XRCC4: variants seen among roughly 807,000 people sequenced by gnomAD.
XRCC4 encodes X-ray repair cross complementing 4.
XRCC4 carries 28 observed loss-of-function variants against 39.1 expected under a neutral mutation model. The observed-to-expected ratio is 0.72, with a 90% CI of 0.53 to 0.98. XRCC4 has a LOEUF of 0.98. Among genes scored for constraint, XRCC4 ranks in the 50% least tolerant of loss-of-function variants. The probability of loss-of-function intolerance (pLI) is 0.00; values close to 1 mark genes in which losing one functional copy is unlikely to be tolerated. For synonymous variants in XRCC4, 123 were observed against 126.4 expected, an observed-to-expected ratio of 0.97 and a Z score of 0.18; for missense variants, 350 against 376.4, an observed-to-expected ratio of 0.93 and a Z score of 0.58.
At chr5:83,333,001 C>T (rs1756485096) in intron 7 of XRCC4, among the ~76,000 whole-genome samples, 1 of 152,076 alleles carries the variant, frequency 6.6e-6, no homozygotes, top group Non-Finnish European at 1.5e-5. Flanking sequence ...ACATAACAAG[C>T]TTAAACACAG....
chr5:83,231,663 C>G (rs1752500678), intron 6 of XRCC4, among the ~76,000 whole-genome samples: 1 of 152,070 alleles, frequency 6.6e-6, no homozygotes, highest in Admixed American at 6.6e-5. Context: ...CTAAACAAAG[C>G]TCATCAGTTA....
chr5:83,211,324 C>G (rs920924025), intron 6 of XRCC4, among the ~76,000 whole-genome samples: 1 of 152,192 alleles, frequency 6.6e-6, no homozygotes, highest in Non-Finnish European at 1.5e-5. Flanking sequence ...CTAAAGAGGG[C>G]TCACTCAATT....
chr5:83,250,655 C>T (rs1753272386), intron 6 of XRCC4, among the ~76,000 whole-genome samples: 1 of 146,260 alleles, frequency 6.8e-6, no homozygotes, highest in Non-Finnish European at 1.5e-5. Context: ...TGTTTGAGTT[C>T]GTTCTGAAAC....
At chr5:83,103,638 C>T (rs1746060901) in intron 1 of XRCC4, among the ~76,000 whole-genome samples, 1 of 152,094 alleles carries the variant, frequency 6.6e-6, no homozygotes, top group South Asian at 2.1e-4. Context: ...TAGTCAAAAT[C>T]TAGAAAGTAC....
rs28360253 is a variant in XRCC4 at position 83,268,356 on chromosome 5, A to G, written c.893+9679A>G. Among the ~76,000 whole-genome samples the G allele has an allele frequency of 2.9e-3, 447 of 152,240 alleles. 4 individuals carry two copies. The highest frequency in any genetic ancestry group is 0.01 in the African/African-American group (431 of 41,556). On this transcript the variant is annotated intron_variant, in intron 7 of 7. Transcript: ENST00000396027. ...AAAAGATGGATAAACAAAACAAGTCATGGGGATTGACTTCTCAAAAGACTG... is the reference window on the plus strand; with the variant it reads ...AAAAGATGGATAAACAAAACAAGTCGTGGGGATTGACTTCTCAAAAGACTG...
chr5:83,259,360 G>T (rs1753670691), intron 7 of XRCC4: 1 of 152,046 alleles, frequency 6.6e-6, no homozygotes, highest in African/African-American at 2.4e-5. Flanking sequence ...TGTTAATTCA[G>T]TAAATAGTTA....
rs551870118 is a variant in XRCC4, at chr5:83,278,896, G to A, written c.893+20219G>A. ...CCAGGTACGTAGGGGGCTGAGGCAG[G>A]AGAATTGCTTGAACCGAGGAGGCGG... On this transcript the variant is annotated intron_variant, in intron 7 of 7. Coordinates refer to ENST00000396027, the MANE Select transcript of XRCC4 (RefSeq NM_003401.5). Among the ~76,000 whole-genome samples, 3 of 150,350 alleles carry A rather than the reference G, an allele frequency of 2.0e-5. No individual in the cohort carries two copies. The East Asian group carries it at 5.9e-4, about 29-fold the overall frequency.
chr5:83,182,203 C>T lies in XRCC4; in HGVS notation c.316-13567C>T, dbSNP rs529771799. Among the ~76,000 whole-genome samples the T allele has an allele frequency of 9.2e-5, 14 of 152,204 alleles. No individual in the cohort carries two copies. In the East Asian group the frequency reaches 2.7e-3, roughly 29 times the overall value. Reference sequence around the variant, plus strand: ...AGATAACCAGCACAATCCACAGCTACTCAGCATATTTAATACCCTCCTCTG... The same window carrying T: ...AGATAACCAGCACAATCCACAGCTATTCAGCATATTTAATACCCTCCTCTG... On this transcript the variant is annotated intron_variant, in intron 3 of 7. Coordinates refer to ENST00000396027, the MANE Select transcript of XRCC4 (RefSeq NM_003401.5).
intron 1 of XRCC4, among the ~76,000 whole-genome samples, chr5:83,083,974 A>G (rs1034219705): frequency 5.9e-5 from 9 of 152,098 alleles, no homozygotes; most frequent in Non-Finnish European, 1.3e-4. Flanking sequence ...CTACCTCTGC[A>G]TTTTACAAAC....
chr5:83,137,139 G>C (rs763535908), intron 3 of XRCC4, among the ~76,000 whole-genome samples: 3 of 152,116 alleles, frequency 2.0e-5, no homozygotes, highest in Non-Finnish European at 4.4e-5. Context: ...AAAATTAACA[G>C]AATCTAAGAT....
At chr5:83,083,967 C>T (rs978653106) in intron 1 of XRCC4, among the ~76,000 whole-genome samples, 3 of 152,132 alleles carry the variant, frequency 2.0e-5, no homozygotes, top group African/African-American at 7.2e-5. Context: ...TCCCTTCCTA[C>T]CTCTGCATTT....
intron 7 of XRCC4, among the ~76,000 whole-genome samples, chr5:83,301,700 G>A (rs1203585464): frequency 6.6e-6 from 1 of 152,120 alleles, no homozygotes; most frequent in African/African-American, 2.4e-5. Context: ...GGGTTTTTAT[G>A]ATTTTAGGTT....
intron 3 of XRCC4, among the ~76,000 whole-genome samples, chr5:83,121,100 T>C (rs953506513): frequency 2.0e-4 from 30 of 152,170 alleles, no homozygotes; most frequent in Admixed American, 2.6e-4. Flanking sequence ...GATTCCTCCA[T>C]GTTGTTGTAA....
At chr5:83,224,641 T>A (rs916266192) in intron 6 of XRCC4, among the ~76,000 whole-genome samples, 4 of 152,192 alleles carry the variant, frequency 2.6e-5, no homozygotes, top group Non-Finnish European at 5.9e-5. Context: ...AGTTACTAAT[T>A]AGTGTCCTCT....
intron 7 of XRCC4, among the ~76,000 whole-genome samples, chr5:83,269,983 G>A (rs1754081792): frequency 6.7e-6 from 1 of 149,024 alleles, no homozygotes; most frequent in Non-Finnish European, 1.5e-5. Flanking sequence ...CCATAATGTA[G>A]AATCAGTGGG....
intron 7 of XRCC4, among the ~76,000 whole-genome samples, chr5:83,278,235 C>T (rs1248703859): frequency 1.3e-5 from 2 of 152,128 alleles, no homozygotes; most frequent in Non-Finnish European, 2.9e-5. Flanking sequence ...CAGATTGAAG[C>T]GGTAGTCTTC....
chr5:83,123,226 T>C (rs889849947), intron 3 of XRCC4, among the ~76,000 whole-genome samples: 1 of 152,080 alleles, frequency 6.6e-6, no homozygotes, highest in African/African-American at 2.4e-5. Context: ...GTTAATTAGG[T>C]GTAAAACATT....
chr5:83,204,704 T>C, intron 5 of XRCC4, 111 bp from the exon 6 acceptor site: 1 of 653,394 alleles, frequency 1.5e-6, no homozygotes, highest in Non-Finnish European at 2.5e-6. Context: ...AATATGTTTG[T>C]CTAATTAGAA....
intron 7 of XRCC4, among the ~76,000 whole-genome samples, chr5:83,293,346 A>G (rs575777892): frequency 1.3e-5 from 2 of 152,142 alleles, no homozygotes; most frequent in South Asian, 2.1e-4. Flanking sequence ...GCTTTTCTCA[A>G]GTTGGACGTA....
Sources: allele counts gnomAD v4.1 joint callset (sites outside exome capture counted in the v4.1 genomes callset), GRCh38; gene constraint gnomAD v4.1.1; transcripts MANE v1.5; gene names NCBI Gene and HGNC (gene_info 2026-07-23, HGNC 2026-07-21).